Variants in AFTPH observed in about 807,000 individuals in gnomAD.
AFTPH encodes the protein aftiphilin protein.
AFTPH carries 7 observed loss-of-function variants against 72.5 expected under a neutral mutation model. The observed-to-expected ratio is 0.10, with a 90% CI of 0.05 to 0.18. The LOEUF (loss-of-function observed/expected upper bound fraction) is 0.18. AFTPH is among the 10% of genes least tolerant of loss of function. The pLI is 1.00. For missense variants in AFTPH, 979 were observed against 1,060.5 expected (o/e 0.92, Z 1.07); for synonymous variants, 337 against 370.1 (o/e 0.91, Z 1.03).
At chr2:64,552,850 C>T (rs1164528279) in exon 2 of AFTPH, 2 of 1,614,136 alleles carry the variant, frequency 1.2e-6, no homozygotes, top group East Asian at 2.2e-5. Flanking sequence ...ATGAGTGATG[C>T]CACTTTTGAA....
intron 7 of AFTPH, 70 bp from the exon 9 acceptor site, chr2:64,585,352 A>C: frequency 2.0e-5 from 31 of 1,577,834 alleles, no homozygotes; most frequent in Middle Eastern, 1.7e-4. Context: ...TGCCTTTTGC[A>C]TCTTGGATTG....
rs191763217 is a variant in AFTPH at position 64,534,192 on chromosome 2, T to C, written c.-33+9580T>C. Among the ~76,000 whole-genome samples, 754 of 152,270 alleles carry C rather than the reference T, an allele frequency of 5.0e-3. 2 individuals are homozygous for C. Among genetic ancestry groups the C allele is most frequent in the Non-Finnish European group, 8.1e-3 (554 of 67,998 alleles). On this transcript the variant is annotated intron_variant, in intron 1 of 8. Coordinates refer to ENST00000238856, the Ensembl canonical transcript of AFTPH. ...ATGCAAAAATGTTGACCTGGAGTATTTGCAGCTAAAATACTTCTGCTACAG... is the reference window on the plus strand; with the variant it reads ...ATGCAAAAATGTTGACCTGGAGTATCTGCAGCTAAAATACTTCTGCTACAG...
intron 1 of AFTPH, among the ~76,000 whole-genome samples, chr2:64,528,539 G>T (rs1035158368): frequency 1.3e-5 from 2 of 152,200 alleles, no homozygotes; most frequent in Admixed American, 1.3e-4. Flanking sequence ...AGTTTTGGGG[G>T]ATAGGGAGTG....
chr2:64,543,481 A>T (rs180868802), intron 1 of AFTPH, among the ~76,000 whole-genome samples: 34 of 152,294 alleles, frequency 2.2e-4, no homozygotes, highest in Non-Finnish European at 4.3e-4. Context: ...CTCTTCTGTT[A>T]TCTTCTGGAA....
At chr2:64,588,038 C>T (rs528956781) in intron 8 of AFTPH, among the ~76,000 whole-genome samples, 2 of 152,312 alleles carry the variant, frequency 1.3e-5, no homozygotes, top group South Asian at 4.1e-4. Context: ...GTGCAACCAT[C>T]ATCACTATCT....
chr2:64,568,475 C>T (rs138555251), intron 3 of AFTPH, among the ~76,000 whole-genome samples: 22 of 152,270 alleles, frequency 1.4e-4, no homozygotes, highest in Admixed American at 1.3e-3. Flanking sequence ...CGGGACTTCC[C>T]TTCACTTAGA....
intron 7 of AFTPH, among the ~76,000 whole-genome samples, chr2:64,584,447 A>T (rs886794268): frequency 2.6e-5 from 4 of 152,170 alleles, no homozygotes; most frequent in African/African-American, 4.8e-5. Flanking sequence ...ACATGAGACT[A>T]CAGAAATTAA....
At chr2:64,579,205 C>G (rs1233305110) in intron 6 of AFTPH, among the ~76,000 whole-genome samples, 4 of 152,106 alleles carry the variant, frequency 2.6e-5, no homozygotes, top group Non-Finnish European at 5.9e-5. Flanking sequence ...AGATTGAAAT[C>G]TTGACATAGA....
At chr2:64,578,416 A>AT (rs1324516268) in intron 6 of AFTPH, among the ~76,000 whole-genome samples, 11 of 152,076 alleles carry the variant, frequency 7.2e-5, no homozygotes, top group Non-Finnish European at 1.5e-4. Context: ...AACAACCAAC[A>AT]TTTTTTCATG....
chr2:64,534,017 GTT>G (rs934271390), intron 1 of AFTPH, among the ~76,000 whole-genome samples: 6 of 152,240 alleles, frequency 3.9e-5, no homozygotes, highest in African/African-American at 1.4e-4. Context: ...TGAGGCCACA[GTT>G]TTTTAAATGG....
At chr2:64,533,641 A>G (rs1669744942) in intron 1 of AFTPH, among the ~76,000 whole-genome samples, 1 of 152,184 alleles carries the variant, frequency 6.6e-6, no homozygotes, top group Non-Finnish European at 1.5e-5. Flanking sequence ...TGGAAAGGAA[A>G]AGGTAAGTCT....
At chr2:64,588,699 G>T (rs145851094) in intron 8 of AFTPH, among the ~76,000 whole-genome samples, 11 of 152,150 alleles carry the variant, frequency 7.2e-5, no homozygotes, top group Admixed American at 2.0e-4. Flanking sequence ...TGTGTTTATC[G>T]ACTATTTGTA....
At chr2:64,573,104 C>G in intron 6 of AFTPH, 36 bp downstream of exon 6, 1 of 1,503,602 alleles carries the variant, frequency 6.7e-7, no homozygotes, top group South Asian at 1.1e-5. Flanking sequence ...TATGTTTATG[C>G]GTGTATATAC....
chr2:64,542,752 TTTC>T (rs1187691138), intron 1 of AFTPH, among the ~76,000 whole-genome samples: 1 of 152,214 alleles, frequency 6.6e-6, no homozygotes, highest in Non-Finnish European at 1.5e-5. Context: ...TATGCATATT[TTTC>T]TTAAGTGACT....
At chr2:64,547,205 G>A (rs113320895) in intron 1 of AFTPH, among the ~76,000 whole-genome samples, 5 of 152,152 alleles carry the variant, frequency 3.3e-5, no homozygotes, top group South Asian at 2.1e-4. Context: ...CAAGTGCTGC[G>A]TTTACTTCTC....
Position 64,552,706 on chromosome 2 carries a change from G to C in AFTPH, c.1232G>C (p.Ser411Thr), listed in dbSNP as rs1348359026. Residue 411 changes from serine to threonine, a missense_variant, in exon 2 of 9, where the codon AGT becomes ACT. Ser to Thr is a moderately conservative substitution (Grantham distance 58). Transcript: ENST00000238856. ...GAAAATGATTTGGATGATTCTTTAAGTGTAAAAAATGGTGATAGTAGTAAT... is the reference window on the plus strand; with the variant it reads ...GAAAATGATTTGGATGATTCTTTAACTGTAAAAAATGGTGATAGTAGTAAT... 3 of 1,614,008 alleles carry C rather than the reference G, an allele frequency of 1.9e-6. No homozygotes were observed. In the Admixed American group the frequency reaches 5.0e-5, roughly 27 times the overall value.
At chr2:64,567,961 G>A (rs538864398) in intron 3 of AFTPH, among the ~76,000 whole-genome samples, 25 of 151,572 alleles carry the variant, frequency 1.6e-4, no homozygotes, top group Non-Finnish European at 2.5e-4. Flanking sequence ...CACAAGAATC[G>A]CTGGAACCCA....
At chr2:64,538,958 G>A (rs1408617323) in intron 1 of AFTPH, among the ~76,000 whole-genome samples, 1 of 148,474 alleles carries the variant, frequency 6.7e-6, no homozygotes, top group Non-Finnish European at 1.5e-5. Context: ...CCACAGTTAC[G>A]TTTTTAGGTT....
At chr2:64,588,203 A>G (rs1185595270) in intron 8 of AFTPH, among the ~76,000 whole-genome samples, 3 of 152,014 alleles carry the variant, frequency 2.0e-5, no homozygotes, top group Non-Finnish European at 4.4e-5. Flanking sequence ...ATGGAATTCT[A>G]TAGTCTGCAG....
Sources: allele counts gnomAD v4.1 joint callset (sites outside exome capture counted in the v4.1 genomes callset), GRCh38; gene constraint gnomAD v4.1.1; transcripts MANE v1.5; gene names NCBI Gene and HGNC (gene_info 2026-07-23, HGNC 2026-07-21).